The following DNER variants were observed in gnomAD, a reference collection of about 807,000 sequenced individuals.
DNER encodes delta and Notch-like epidermal growth factor-related receptor.
Under a neutral mutation model 78.2 loss-of-function variants are expected in DNER, and 33 were observed. That is an observed-to-expected ratio of 0.42 (90% CI 0.32 to 0.56). The LOEUF (loss-of-function observed/expected upper bound fraction) is 0.56. DNER is among the 20% of genes least tolerant of loss of function. The pLI is 0.11. For missense variants in DNER, 918 were observed against 975.3 expected, an observed-to-expected ratio of 0.94 and a Z score of 0.78; for synonymous variants, 417 against 384.8, an observed-to-expected ratio of 1.08 and a Z score of -0.98.
intron 4 of DNER, among the ~76,000 whole-genome samples, chr2:229,581,118 G>A (rs1697388831): frequency 1.3e-5 from 2 of 152,256 alleles, no homozygotes; most frequent in Middle Eastern, 3.4e-3. Context: ...GCAGCACAAA[G>A]GGGCTTTCAC....
intron 1 of DNER, among the ~76,000 whole-genome samples, chr2:229,598,076 G>A (rs755127227): frequency 3.5e-4 from 54 of 152,266 alleles, no homozygotes; most frequent in Non-Finnish European, 6.9e-4. Context: ...ACAGAAGGAC[G>A]AAATGCCAAC....
intron 1 of DNER, among the ~76,000 whole-genome samples, chr2:229,674,656 G>A (rs1699272339): frequency 1.3e-5 from 2 of 152,124 alleles, no homozygotes; most frequent in Admixed American, 6.5e-5. Flanking sequence ...GTTCCCTAGG[G>A]TCATCTCTTA....
intron 6 of DNER, among the ~76,000 whole-genome samples, chr2:229,501,424 C>A (rs989566763): frequency 1.3e-5 from 2 of 150,792 alleles, no homozygotes; most frequent in African/African-American, 4.9e-5. Context: ...TTCTAGATTA[C>A]CCATAACTAA....
chr2:229,570,736 A>AGT (rs931664541), intron 4 of DNER, among the ~76,000 whole-genome samples: 4 of 151,748 alleles, frequency 2.6e-5, no homozygotes, highest in Non-Finnish European at 5.9e-5. Flanking sequence ...GTTGTATAAG[A>AGT]GTGGAGGTTA....
chr2:229,473,479 T>A (rs1008463576), intron 7 of DNER, among the ~76,000 whole-genome samples: 2 of 152,208 alleles, frequency 1.3e-5, no homozygotes, highest in Non-Finnish European at 2.9e-5. Flanking sequence ...AGTTTTCTAA[T>A]CTGTTAAATG....
chr2:229,534,334 TGTAACAGACCAATAGATTGTAATG>T (rs1483667973), intron 5 of DNER, among the ~76,000 whole-genome samples: 83 of 151,272 alleles, frequency 5.5e-4, no homozygotes, highest in African/African-American at 2.0e-3. Context: ...TAGATTGTAA[TGTAACAGACCAATAGATTGTAATG>T]GTAACAGACC....
intron 6 of DNER, among the ~76,000 whole-genome samples, chr2:229,493,795 A>T (rs12475270): frequency 0.12 from 17,984 of 152,246 alleles, 1,261 homozygotes; most frequent in South Asian, 0.2. Flanking sequence ...CCATGATGAG[A>T]CTTGTTCTAA....
intron 1 of DNER, among the ~76,000 whole-genome samples, chr2:229,678,781 C>T (rs1699338932): frequency 6.6e-6 from 1 of 152,228 alleles, no homozygotes; most frequent in African/African-American, 2.4e-5. Flanking sequence ...CGTCACATGA[C>T]TTTCCTGTAT....
intron 8 of DNER, among the ~76,000 whole-genome samples, chr2:229,427,722 G>A (rs910524111): frequency 3.3e-5 from 5 of 152,120 alleles, no homozygotes; most frequent in Admixed American, 2.6e-4. Flanking sequence ...GAGGGACCAC[G>A]GCTTGTGATT....
At chr2:229,553,770 C>T (rs879055158) in intron 4 of DNER, among the ~76,000 whole-genome samples, 9 of 152,124 alleles carry the variant, frequency 5.9e-5, no homozygotes, top group African/African-American at 7.2e-5. Flanking sequence ...AAACTGCCAA[C>T]GATAACAACT....
chr2:229,663,970 G>T (rs1390117701), intron 1 of DNER, among the ~76,000 whole-genome samples: 3 of 152,044 alleles, frequency 2.0e-5, no homozygotes, highest in African/African-American at 4.8e-5. Flanking sequence ...TGCAATTTTT[G>T]ATCTCTGTAT....
At chr2:229,371,327 T>C (rs1372132563) in intron 11 of DNER, among the ~76,000 whole-genome samples, 1 of 152,016 alleles carries the variant, frequency 6.6e-6, no homozygotes, top group East Asian at 1.9e-4. Flanking sequence ...ATCCCAGGAG[T>C]CTCATCACAT....
At chr2:229,378,072 A>T (rs1692648454) in intron 11 of DNER, among the ~76,000 whole-genome samples, 1 of 152,148 alleles carries the variant, frequency 6.6e-6, no homozygotes, top group Non-Finnish European at 1.5e-5. Context: ...GACATTTCTG[A>T]CTTTGAAGAA....
At chr2:229,397,463 C>CAAAA (rs763572496) in intron 10 of DNER, among the ~76,000 whole-genome samples, 2 of 96,598 alleles carry the variant, frequency 2.1e-5, no homozygotes, top group South Asian at 7.8e-4. Context: ...CCAAACACTA[C>CAAAA]AAAAAAAAAA....
intron 11 of DNER, among the ~76,000 whole-genome samples, chr2:229,379,576 A>G (rs1226652375): frequency 3.9e-5 from 6 of 152,070 alleles, no homozygotes; most frequent in Admixed American, 2.6e-4. Context: ...CTGACTTTTC[A>G]TCTATACTCT....
chr2:229,454,864 T>C (rs1694537871), intron 7 of DNER, among the ~76,000 whole-genome samples: 1 of 152,166 alleles, frequency 6.6e-6, no homozygotes. Context: ...TTTTGGTATA[T>C]TATACAGTCT....
intron 1 of DNER, among the ~76,000 whole-genome samples, chr2:229,668,460 AAAAGAAGACATATATATAGGTAAG>A (rs1699136832): frequency 6.9e-6 from 1 of 144,064 alleles, no homozygotes; most frequent in African/African-American, 2.6e-5. Context: ...ATATATATAT[AAAAGAAGACATATATATAGGTAAG>A]TATATATATA....
At chr2:229,561,423 T>C (rs1574903321) in intron 4 of DNER, among the ~76,000 whole-genome samples, 1 of 152,290 alleles carries the variant, frequency 6.6e-6, no homozygotes, top group Middle Eastern at 3.4e-3. Flanking sequence ...AACCTTACTG[T>C]CAAATATAGC....
At chr2:229,360,135 G>A (rs944417052) in intron 12 of DNER, among the ~76,000 whole-genome samples, 10 of 152,048 alleles carry the variant, frequency 6.6e-5, no homozygotes, top group Non-Finnish European at 1.5e-4. Flanking sequence ...AGGCCTGTTG[G>A]GTCTTACACT....
Sources: allele counts gnomAD v4.1 joint callset (sites outside exome capture counted in the v4.1 genomes callset), GRCh38; gene constraint gnomAD v4.1.1; transcripts MANE v1.5; gene names NCBI Gene and HGNC (gene_info 2026-07-23, HGNC 2026-07-21).